CDC7: variants seen among roughly 807,000 people sequenced by gnomAD.
The protein encoded by CDC7 is cell division cycle 7.
In CDC7, 34 loss-of-function variants were observed where a neutral mutation model predicts 53.5. That is an observed-to-expected ratio of 0.64 (90% CI 0.48 to 0.85). CDC7 has a LOEUF of 0.85. Among genes scored for constraint, CDC7 ranks in the 40% least tolerant of loss-of-function variants. The probability of loss-of-function intolerance (pLI) is 0.00; values close to 1 mark genes in which losing one functional copy is unlikely to be tolerated. For missense variants in CDC7, 594 were observed against 679.7 expected, an observed-to-expected ratio of 0.87 and a Z score of 1.40; for synonymous variants, 211 against 222.8, an observed-to-expected ratio of 0.95 and a Z score of 0.47.
chr1:91,508,617 G>C (rs1462553609), intron 4 of CDC7, among the ~76,000 whole-genome samples: 3 of 152,074 alleles, frequency 2.0e-5, no homozygotes, highest in African/African-American at 7.2e-5. Flanking sequence ...CTGATTTCCT[G>C]TCTTTTATCA....
At chr1:91,515,280 G>GTAGTCT (rs1394684850) in intron 9 of CDC7, among the ~76,000 whole-genome samples, 1 of 152,216 alleles carries the variant, frequency 6.6e-6, no homozygotes, top group African/African-American at 2.4e-5. Flanking sequence ...GATTGCTGAT[G>GTAGTCT]TAGTCTTTTC....
At chr1:91,504,121 T>TTTTA (rs1666853134) in intron 2 of CDC7, among the ~76,000 whole-genome samples, 1 of 150,538 alleles carries the variant, frequency 6.6e-6, no homozygotes, top group African/African-American at 2.5e-5. Flanking sequence ...TTTTTTTTTT[T>TTTTA]GAGACATGGT....
Position 91,508,451 on chromosome 1 carries a change from A to G in CDC7, c.335+54A>G, listed in dbSNP as rs946124443. The G allele has an allele frequency of 7.8e-6, 11 of 1,411,354 alleles. No homozygotes were observed. The African/African-American group carries it at 1.6e-4, about 21-fold the overall frequency. 87.4% of individuals were successfully genotyped at this position (1,411,354 alleles called of 1,614,324 possible). A position where few individuals can be genotyped will look rare whatever the true frequency, so the allele number is the denominator to read the frequency against. On this transcript the variant is annotated intron_variant, in intron 4 of 11. Coordinates refer to ENST00000234626, the MANE Select transcript of CDC7 (RefSeq NM_003503.4). The stretch of plus-strand genomic sequence containing the variant: ...ACTTGTATATAATTTATAAGATTTT[A>G]AAGTAGATATTTAGCAGGGATGAGG...
At chr1:91,514,141 T>A (rs1038663632) in intron 8 of CDC7, 98 bp downstream of exon 8, 47 of 710,926 alleles carry the variant, frequency 6.6e-5, no homozygotes, top group Non-Finnish European at 9.3e-5. Context: ...GAAATTTTTT[T>A]AAACTAGAGT....
intron 3 of CDC7, 95 bp from the exon 4 acceptor site, chr1:91,508,167 A>AT (rs1057287843): frequency 3.5e-5 from 33 of 945,242 alleles, no homozygotes; most frequent in Non-Finnish European, 5.0e-5. Flanking sequence ...TTAATGTATT[A>AT]TGCCATTGAA....
At chr1:91,505,770 G>A (rs1666952802) in intron 2 of CDC7, among the ~76,000 whole-genome samples, 1 of 152,098 alleles carries the variant, frequency 6.6e-6, no homozygotes, top group Admixed American at 6.5e-5. Context: ...AAGTTTTACT[G>A]TTGTTTAAAA....
chr1:91,525,382 G>C lies in CDC7; in HGVS notation c.*947G>C, dbSNP rs1177330446. ...TCTGCGTAGAGCCATCCAGATCTCT[G>C]TATCCTGTTTTGACTAAGTCTTAGG... is the stretch of plus-strand genomic sequence containing the variant. On this transcript the variant is annotated 3_prime_UTR_variant, in exon 12 of 12. Transcript: ENST00000234626. 2 of 152,076 alleles carry C rather than the reference G, an allele frequency of 1.3e-5. No homozygotes were observed. The highest frequency in any genetic ancestry group is 4.8e-5 in the African/African-American group (2 of 41,418). 9.4% of individuals were successfully genotyped at this position (152,076 alleles called of 1,614,324 possible). A position where few individuals can be genotyped will look rare whatever the true frequency, so the allele number is the denominator to read the frequency against.
In CDC7 at chr1:91,504,913, A is replaced by G. The variant is rs555835776; in HGVS notation, c.116-2941A>G. On this transcript the variant is annotated intron_variant, in intron 2 of 11. Coordinates refer to ENST00000234626, the MANE Select transcript of CDC7 (RefSeq NM_003503.4). The stretch of plus-strand genomic sequence containing the variant: ...CTAGGGATAAATCAAACCATAAAAC[A>G]GAAATTAACACTGTGGTAGTTAGAC... 8.5e-5 allele frequency among the ~76,000 whole-genome samples: 13 copies of G among 152,350 alleles called. No individual in the cohort carries two copies. In the South Asian group the frequency reaches 2.7e-3, roughly 32 times the overall value.
rs1312419240 is a variant in CDC7, at chr1:91,524,210, C to T, written c.1500C>T (p.Leu500=). 8.7e-6 allele frequency: 14 copies of T among 1,613,802 alleles called. No homozygotes were observed. The highest frequency in any genetic ancestry group is 2.7e-5 in the African/African-American group (2 of 74,878). ...AGACTGACCATAAAGCTTCTTGCCT[C>T]GTTCAAACACCTCCAGGACAATACT... ...SEKTDHKASC[L]VQTPPGQYSG... Residue 500 remains leucine (L), a synonymous_variant, in exon 12 of 12, where the codon CTC becomes CTT. Coordinates refer to ENST00000234626, the MANE Select transcript of CDC7 (RefSeq NM_003503.4).
chr1:91,507,533 C>T (rs1667054900), intron 2 of CDC7, among the ~76,000 whole-genome samples: 1 of 152,042 alleles, frequency 6.6e-6, no homozygotes, highest in Non-Finnish European at 1.5e-5. Flanking sequence ...GTGATCACAG[C>T]ACAAATTGTT....
At chr1:91,516,856 G>T (rs1667585432) in intron 10 of CDC7, among the ~76,000 whole-genome samples, 1 of 152,148 alleles carries the variant, frequency 6.6e-6, no homozygotes, top group African/African-American at 2.4e-5. Context: ...CCTGAGATCA[G>T]GAGTTTGAAA....
At chr1:91,507,284 A>C (rs898731211) in intron 2 of CDC7, among the ~76,000 whole-genome samples, 1 of 152,242 alleles carries the variant, frequency 6.6e-6, no homozygotes, top group African/African-American at 2.4e-5. Context: ...TTTTATAAAG[A>C]ACTGATACTT....
rs750195064 is a variant in CDC7, at chr1:91,511,889, C to A, written c.538C>A (p.Pro180Thr). The A allele has an allele frequency of 1.9e-6, 3 of 1,589,494 alleles. No homozygotes were observed. The highest frequency in any genetic ancestry group is 2.6e-6 in the Non-Finnish European group (3 of 1,161,524). ...QFGIVHRDVK[P>T]SNFLYNRRLK... The stretch of plus-strand genomic sequence containing the variant: ...TGGTATTGTTCACCGTGATGTTAAG[C>A]CCAGCAATTTTTTATATAATAGGCG... The change falls in exon 6 of 12, where the codon CCC becomes ACC. Residue 180 changes from proline to threonine, a missense_variant. Physicochemically the swap from Pro to Thr is conservative, Grantham distance 38. Coordinates refer to ENST00000234626, the MANE Select transcript of CDC7 (RefSeq NM_003503.4).
intron 10 of CDC7, among the ~76,000 whole-genome samples, chr1:91,519,619 A>G (rs767491574): frequency 9.2e-5 from 14 of 152,164 alleles, no homozygotes; most frequent in Non-Finnish European, 1.8e-4. Context: ...CACAGTCACA[A>G]AAAAATAAAA....
chr1:91,505,109 T>C (rs1265058152), intron 2 of CDC7, among the ~76,000 whole-genome samples: 1 of 152,036 alleles, frequency 6.6e-6, no homozygotes, highest in Non-Finnish European at 1.5e-5. Flanking sequence ...GACTTCAAGG[T>C]GGTGAAGGAG....
At chr1:91,510,166 G>A (rs1278038423) in intron 4 of CDC7, among the ~76,000 whole-genome samples, 2 of 151,028 alleles carry the variant, frequency 1.3e-5, no homozygotes, top group South Asian at 2.1e-4. Flanking sequence ...AATGACCTGC[G>A]ATCACTCCAT....
chr1:91,501,373 C>G (rs752024044), intron 1 of CDC7: 9 of 250,462 alleles, frequency 3.6e-5, no homozygotes, highest in South Asian at 1.1e-4. Flanking sequence ...CACGCGGTCC[C>G]GCTGGCTGTG....
Position 91,511,811 on chromosome 1 carries a change from G to A in CDC7, c.460G>A (p.Val154Ile). The A allele has an allele frequency of 6.2e-7, 1 of 1,606,248 alleles. No homozygotes were observed. The highest frequency in any genetic ancestry group is 8.5e-7 in the Non-Finnish European group (1 of 1,174,154). The change falls in exon 6 of 12, where the codon GTA becomes ATA. Residue 154 changes from valine (V) to isoleucine (I), a missense_variant. By Grantham distance (29) the Val-to-Ile change is conservative. Transcript: ENST00000234626. Reference sequence around the variant, plus strand: ...TCTGAATTCTCTTTCCTTTCAAGAAGTACGGGAATATATGCTTAATCTGTT... The same window carrying A: ...TCTGAATTCTCTTTCCTTTCAAGAAATACGGGAATATATGCTTAATCTGTT... ...DILNSLSFQE[V>I]REYMLNLFKA... is the part of the protein sequence containing the mutation.
chr1:91,517,033 C>G (rs564222012), intron 10 of CDC7, among the ~76,000 whole-genome samples: 8 of 152,080 alleles, frequency 5.3e-5, no homozygotes, highest in Non-Finnish European at 1.2e-4. Flanking sequence ...CCATTGCCCT[C>G]CAACCTGGGC....
Sources: gnomAD v4.1 joint callset for allele counts (sites outside exome capture counted in the v4.1 genomes callset) on GRCh38, gnomAD v4.1.1 for gene constraint, MANE v1.5 for transcripts, NCBI Gene and HGNC (gene_info 2026-07-23, HGNC 2026-07-21) for gene names.